Variants in GRIK2 observed in about 807,000 individuals in gnomAD.
GRIK2 encodes the protein glutamate receptor ionotropic, kainate 2.
Under a neutral mutation model 100.3 loss-of-function variants are expected in GRIK2, and 32 were observed. That is an observed-to-expected ratio of 0.32 (90% confidence interval 0.24 to 0.43). The LOEUF is 0.43. GRIK2 is among the 20% of genes least tolerant of loss of function. The pLI is 1.00. For missense variants in GRIK2, 843 were observed against 1,114.9 expected (o/e 0.76, Z 3.47); for synonymous variants, 417 against 389.4 (o/e 1.07, Z -0.83).
At chr6:101,965,077 G>A (rs1435776617) in intron 14 of GRIK2, among the ~76,000 whole-genome samples, 2 of 152,126 alleles carry the variant, frequency 1.3e-5, no homozygotes, top group African/African-American at 2.4e-5. Context: ...TGGGTGTGGT[G>A]TAGAACTGGA....
intron 2 of GRIK2, among the ~76,000 whole-genome samples, chr6:101,463,178 A>G (rs1157600483): frequency 6.6e-6 from 1 of 152,180 alleles, no homozygotes; most frequent in Non-Finnish European, 1.5e-5. Flanking sequence ...ATATAATAGC[A>G]TAGAGACATT....
intron 1 of GRIK2, among the ~76,000 whole-genome samples, chr6:101,397,338 C>T (rs1287754742): frequency 6.6e-6 from 1 of 152,080 alleles, no homozygotes; most frequent in Non-Finnish European, 1.5e-5. Context: ...AAATAGAAGA[C>T]AGAACGTGTT....
At chr6:101,616,294 AT>A (rs1779891986) in intron 2 of GRIK2, among the ~76,000 whole-genome samples, 1 of 151,764 alleles carries the variant, frequency 6.6e-6, no homozygotes, top group Non-Finnish European at 1.5e-5. Flanking sequence ...AAGAATATTC[AT>A]TTTTTTAAAT....
chr6:101,742,155 TTTAATAG>T (rs1228856666), intron 7 of GRIK2, among the ~76,000 whole-genome samples: 19 of 152,198 alleles, frequency 1.2e-4, no homozygotes, highest in Non-Finnish European at 2.2e-4. Context: ...TGTATATCTT[TTTAATAG>T]TTTTTAGCTT....
At chr6:101,534,590 AT>A (rs1164867447) in intron 2 of GRIK2, among the ~76,000 whole-genome samples, 4 of 151,834 alleles carry the variant, frequency 2.6e-5, no homozygotes. Flanking sequence ...TATGTACAAA[AT>A]TCCACTTAGT....
At chr6:101,816,836 G>A (rs959079375) in intron 9 of GRIK2, among the ~76,000 whole-genome samples, 10 of 152,098 alleles carry the variant, frequency 6.6e-5, no homozygotes, top group African/African-American at 2.2e-4. Flanking sequence ...GTGCCTTACC[G>A]GAAACTCAAC....
chr6:101,469,128 A>T (rs1771811682), intron 2 of GRIK2, among the ~76,000 whole-genome samples: 2 of 152,170 alleles, frequency 1.3e-5, no homozygotes, highest in Admixed American at 1.3e-4. Flanking sequence ...CCAACTAGAA[A>T]ATTGTGTGGT....
intron 14 of GRIK2, among the ~76,000 whole-genome samples, chr6:102,026,121 T>C (rs1214521491): frequency 8.5e-5 from 4 of 47,000 alleles, no homozygotes; most frequent in Admixed American, 2.3e-4. Context: ...CATATATATA[T>C]ATATATATAT....
intron 3 of GRIK2, among the ~76,000 whole-genome samples, chr6:101,624,047 A>T (rs1441187748): frequency 6.6e-6 from 1 of 152,036 alleles, no homozygotes; most frequent in Admixed American, 6.6e-5. Flanking sequence ...AATAAATGAG[A>T]TGTTACCTTT....
chr6:101,763,927 T>C (rs150764609), intron 7 of GRIK2, among the ~76,000 whole-genome samples: 1 of 152,226 alleles, frequency 6.6e-6, no homozygotes, highest in East Asian at 1.9e-4. Flanking sequence ...CACAAATAAG[T>C]CTAAGAACAA....
intron 2 of GRIK2, among the ~76,000 whole-genome samples, chr6:101,546,414 A>G: frequency 6.6e-6 from 1 of 152,088 alleles, no homozygotes; most frequent in East Asian, 1.9e-4. Context: ...ATTTGTCTGA[A>G]CTTTTAAGTG....
chr6:101,828,951 A>G (rs951552940), intron 10 of GRIK2, among the ~76,000 whole-genome samples: 4 of 151,996 alleles, frequency 2.6e-5, no homozygotes, highest in African/African-American at 7.2e-5. Flanking sequence ...TCTGGCAAAG[A>G]TACAACAAAG....
chr6:101,425,060 T>G (rs1376113371), intron 2 of GRIK2, among the ~76,000 whole-genome samples: 1 of 151,384 alleles, frequency 6.6e-6, no homozygotes, highest in Non-Finnish European at 1.5e-5. Flanking sequence ...TCATCCAGTC[T>G]ATCATTGTTG....
At chr6:101,672,629 A>G (rs952552833) in intron 4 of GRIK2, among the ~76,000 whole-genome samples, 1 of 151,856 alleles carries the variant, frequency 6.6e-6, no homozygotes, top group Non-Finnish European at 1.5e-5. Flanking sequence ...GGTTTGTTAC[A>G]TGGGTAAATT....
At chr6:101,971,124 G>T (rs1426443489) in intron 14 of GRIK2, among the ~76,000 whole-genome samples, 4 of 145,918 alleles carry the variant, frequency 2.7e-5, no homozygotes, top group Non-Finnish European at 5.9e-5. Flanking sequence ...TTCAGAAATT[G>T]GAAAATATTT....
At chr6:101,807,664 G>C (rs1781089476) in intron 9 of GRIK2, among the ~76,000 whole-genome samples, 1 of 151,864 alleles carries the variant, frequency 6.6e-6, no homozygotes, top group Admixed American at 6.6e-5. Flanking sequence ...CCTAGATAAT[G>C]GGTTTTGGGG....
At chr6:101,889,314 A>T (rs1434207689) in intron 11 of GRIK2, among the ~76,000 whole-genome samples, 1 of 151,896 alleles carries the variant, frequency 6.6e-6, no homozygotes, top group Non-Finnish European at 1.5e-5. Flanking sequence ...CAATTTTGAA[A>T]AGTCTAGTAG....
intron 4 of GRIK2, among the ~76,000 whole-genome samples, chr6:101,669,016 G>A (rs1234525760): frequency 6.6e-6 from 1 of 152,030 alleles, no homozygotes; most frequent in Non-Finnish European, 1.5e-5. Flanking sequence ...AAAAATAACA[G>A]TACTGTACTC....
At chr6:101,985,775 A>AAATT (rs1562089368) in intron 14 of GRIK2, among the ~76,000 whole-genome samples, 1 of 151,796 alleles carries the variant, frequency 6.6e-6, no homozygotes, top group African/African-American at 2.4e-5. Flanking sequence ...GTGGAAAATA[A>AAATT]AATTAAGAAA....
Sources: gnomAD v4.1 joint callset for allele counts (sites outside exome capture counted in the v4.1 genomes callset) on GRCh38, gnomAD v4.1.1 for gene constraint, MANE v1.5 for transcripts, NCBI Gene and HGNC (gene_info 2026-07-23, HGNC 2026-07-21) for gene names.